NCKAP5: variants seen among roughly 807,000 people sequenced by gnomAD.
NCKAP5 encodes the protein NCK associated protein 5.
In NCKAP5, 92 loss-of-function variants were observed where a neutral mutation model predicts 167.0. The observed-to-expected ratio is 0.55, with a 90% CI of 0.47 to 0.66. The LOEUF is 0.66. Ranked by LOEUF, NCKAP5 falls within the 30% of genes least tolerant of loss-of-function variation. The probability of loss-of-function intolerance (pLI) is 0.00; values close to 1 mark genes in which losing one functional copy is unlikely to be tolerated. For synonymous variants in NCKAP5, 891 were observed against 877.4 expected, an observed-to-expected ratio of 1.02 and a Z score of -0.27; for missense variants, 2,378 against 2,315.0, an observed-to-expected ratio of 1.03 and a Z score of -0.56.
the NCKAP5 span, among the ~76,000 whole-genome samples, chr2:133,651,709 T>C: frequency 2.0e-5 from 3 of 152,226 alleles, no homozygotes; most frequent in African/African-American, 7.2e-5. Flanking sequence ...ATTAGCAGTC[T>C]CATGTGTATT....
intron 12 of NCKAP5, among the ~76,000 whole-genome samples, chr2:132,791,373 G>T (rs1026866366): frequency 6.6e-6 from 1 of 152,162 alleles, no homozygotes; most frequent in African/African-American, 2.4e-5. Context: ...GTTTTTAGTG[G>T]AAGGTTCAAG....
At chr2:133,596,839 G>C in the NCKAP5 span, among the ~76,000 whole-genome samples, 3 of 152,066 alleles carry the variant, frequency 2.0e-5, no homozygotes, top group African/African-American at 4.8e-5. Context: ...GAGGAATCTC[G>C]CCAATCTCTC....
intron 7 of NCKAP5, among the ~76,000 whole-genome samples, chr2:132,964,691 AAC>A (rs768990719): frequency 2.0e-4 from 31 of 152,186 alleles, no homozygotes; most frequent in Non-Finnish European, 3.4e-4. Context: ...TTTAATTCTA[AAC>A]ACAATGCTGC....
chr2:133,287,692 A>G (rs566733176), intron 4 of NCKAP5, among the ~76,000 whole-genome samples: 2 of 152,174 alleles, frequency 1.3e-5, no homozygotes, highest in African/African-American at 2.4e-5. Context: ...CAAGATATAC[A>G]TCATTATGTA....
chr2:133,120,267 C>T (rs2082210113), intron 6 of NCKAP5, among the ~76,000 whole-genome samples: 1 of 152,168 alleles, frequency 6.6e-6, no homozygotes, highest in Non-Finnish European at 1.5e-5. Context: ...TCTTAAGAAA[C>T]ATTCTTAAAA....
At chr2:132,836,522 C>T (rs11894809) in intron 11 of NCKAP5, among the ~76,000 whole-genome samples, 3,160 of 151,800 alleles carry the variant, frequency 0.021, 104 homozygotes, top group African/African-American at 0.073. Flanking sequence ...ATCAGTAACA[C>T]GTTCCATATT....
At chr2:133,226,551 G>T (rs1022917285) in intron 4 of NCKAP5, among the ~76,000 whole-genome samples, 6 of 149,810 alleles carry the variant, frequency 4.0e-5, no homozygotes, top group Non-Finnish European at 7.4e-5. Context: ...CACTAGAATG[G>T]GTCCTAATCC....
intron 2 of NCKAP5, among the ~76,000 whole-genome samples, chr2:133,558,386 G>A (rs1487097630): frequency 6.6e-6 from 1 of 151,960 alleles, no homozygotes; most frequent in Non-Finnish European, 1.5e-5. Context: ...AAATAGGAGA[G>A]GTGAGATGCA....
At chr2:132,713,774 T>C (rs536048466) in intron 19 of NCKAP5, among the ~76,000 whole-genome samples, 1 of 152,124 alleles carries the variant, frequency 6.6e-6, no homozygotes, top group South Asian at 2.1e-4. Flanking sequence ...AGAAACATTC[T>C]GTATGATGCT....
intron 8 of NCKAP5, among the ~76,000 whole-genome samples, chr2:132,955,180 G>A (rs545742459): frequency 1.9e-4 from 29 of 152,222 alleles, no homozygotes; most frequent in Non-Finnish European, 3.8e-4. Flanking sequence ...AGAACTTAAA[G>A]CCAATTAGAA....
At chr2:133,474,155 T>TAC (rs1553649111) in intron 3 of NCKAP5, among the ~76,000 whole-genome samples, 106 of 142,632 alleles carry the variant, frequency 7.4e-4, no homozygotes, top group South Asian at 1.3e-3. Flanking sequence ...TATCTATCTA[T>TAC]ACACACACAC....
rs549718484 is a variant in NCKAP5, at chr2:132,691,535, C to T, written c.5714-18230G>A. Among the ~76,000 whole-genome samples, 34 of 152,236 alleles carry T rather than the reference C, an allele frequency of 2.2e-4. 1 individual carries two copies. The South Asian group carries it at 5.4e-3, about 24-fold the overall frequency. On this transcript the variant is annotated intron_variant, in intron 19 of 19. Coordinates refer to ENST00000409261, the MANE Select transcript of NCKAP5 (RefSeq NM_207363.3). Reference sequence around the variant, plus strand: ...CCCGCTACCTAACATGTTCCTCTTTCGATTAGTCACGTTTCAGTGTTTCAC... The same window carrying T: ...CCCGCTACCTAACATGTTCCTCTTTTGATTAGTCACGTTTCAGTGTTTCAC...
chr2:133,242,391 G>C (rs1488534266), intron 4 of NCKAP5, among the ~76,000 whole-genome samples: 1 of 151,780 alleles, frequency 6.6e-6, no homozygotes, highest in East Asian at 1.9e-4. Context: ...TAGCATGGAG[G>C]TGATACCCAA....
chr2:132,878,838 T>G lies in NCKAP5; in HGVS notation c.648+10A>C. ...CAGCCTTGGATCAGGAGCCTCTCCATCCCCCTTACCTCATCAAGACATCGC... is the reference window on the plus strand; with the variant it reads ...CAGCCTTGGATCAGGAGCCTCTCCAGCCCCCTTACCTCATCAAGACATCGC... On this transcript the variant is annotated intron_variant, in intron 9 of 19. Coordinates refer to ENST00000409261, the MANE Select transcript of NCKAP5 (RefSeq NM_207363.3). 6.2e-7 allele frequency: 1 copy of G among 1,606,484 alleles called. No homozygotes were observed. Among genetic ancestry groups the G allele is most frequent in the Non-Finnish European group, 8.5e-7 (1 of 1,173,152 alleles).
chr2:132,887,507 T>C (rs1443621065), intron 8 of NCKAP5, among the ~76,000 whole-genome samples: 1 of 152,186 alleles, frequency 6.6e-6, no homozygotes, highest in Non-Finnish European at 1.5e-5. Flanking sequence ...TTATACTTTG[T>C]CTCCACTCAC....
chr2:132,936,567 T>C (rs1472762158), intron 8 of NCKAP5, among the ~76,000 whole-genome samples: 1 of 152,132 alleles, frequency 6.6e-6, no homozygotes, highest in Non-Finnish European at 1.5e-5. Context: ...CACAAATAGG[T>C]CCCTTGGCAC....
intron 4 of NCKAP5, among the ~76,000 whole-genome samples, chr2:133,217,863 C>A (rs2086499165): frequency 6.6e-6 from 1 of 152,064 alleles, no homozygotes; most frequent in African/African-American, 2.4e-5. Flanking sequence ...ACAGGGTATC[C>A]TCTGGTTCTG....
chr2:133,305,097 G>C (rs1680684608), intron 3 of NCKAP5, among the ~76,000 whole-genome samples: 2 of 152,154 alleles, frequency 1.3e-5, no homozygotes, highest in African/African-American at 4.8e-5. Context: ...GTGGGTGCTG[G>C]GAACAGGGAC....
intron 11 of NCKAP5, among the ~76,000 whole-genome samples, chr2:132,803,772 G>A (rs1351932516): frequency 2.6e-5 from 4 of 152,198 alleles, no homozygotes; most frequent in African/African-American, 9.6e-5. Context: ...GCTTTATGAA[G>A]CATCTACTAT....
Sources: gnomAD v4.1 joint callset for allele counts (sites outside exome capture counted in the v4.1 genomes callset) on GRCh38, gnomAD v4.1.1 for gene constraint, MANE v1.5 for transcripts, NCBI Gene and HGNC (gene_info 2026-07-23, HGNC 2026-07-21) for gene names.